The following LRRTM3 variants were observed in gnomAD, a reference collection of about 807,000 sequenced individuals.
LRRTM3 encodes leucine-rich repeat transmembrane neuronal protein 3.
A neutral mutation model predicts 44.7 loss-of-function variants in LRRTM3; 24 were observed. The observed-to-expected ratio is 0.54, with a 90% CI of 0.39 to 0.76. The LOEUF is 0.76. Among genes scored for constraint, LRRTM3 ranks in the 30% least tolerant of loss-of-function variants. LRRTM3 has a pLI of 0.00. For missense variants in LRRTM3, 587 were observed against 702.2 expected (o/e 0.84, Z 1.85); for synonymous variants, 277 against 278.7 (o/e 0.99, Z 0.06).
In LRRTM3 at chr10:67,101,300, C is replaced by G. The variant is rs552486865; in HGVS notation, c.*3504C>G. Among the ~76,000 whole-genome samples the G allele has an allele frequency of 4.0e-5, 6 of 151,716 alleles. No homozygotes were observed. The South Asian group carries it at 8.3e-4, about 21-fold the overall frequency. ...GAGATCCATAGTACAGGGTTGAACACATGTTCAACACTTTGTCAACTGAAC... is the reference window on the plus strand; with the variant it reads ...GAGATCCATAGTACAGGGTTGAACAGATGTTCAACACTTTGTCAACTGAAC... On this transcript the variant is annotated 3_prime_UTR_variant, in exon 3 of 3. Coordinates refer to ENST00000361320, the MANE Select transcript of LRRTM3 (RefSeq NM_178011.5).
At position 67,097,622 on chromosome 10, in the gene LRRTM3, A is replaced by T. The variant is rs758018071; in HGVS notation, c.1572A>T (p.Ala524=). 1.9e-6 allele frequency: 3 copies of T among 1,612,552 alleles called. No homozygotes were observed. Among genetic ancestry groups the T allele is most frequent in the Non-Finnish European group, 2.5e-6 (3 of 1,178,916 alleles). The change falls in exon 3 of 3, where the codon GCA becomes GCT. Residue 524 remains alanine (A), a synonymous_variant. Coordinates refer to ENST00000361320, the MANE Select transcript of LRRTM3 (RefSeq NM_178011.5). ...CAATGAATGTGTCAACCTTTCTGGC[A>T]TACGACCAGCCCACAATAAGTTACT... ...PLSMNVSTFL[A]YDQPTISYCG...
At chr10:67,024,881 A>G (rs915481608) in intron 2 of LRRTM3, among the ~76,000 whole-genome samples, 5 of 152,086 alleles carry the variant, frequency 3.3e-5, no homozygotes, top group Non-Finnish European at 5.9e-5. Context: ...TGTAAATCCT[A>G]GCACTTTAGG....
Position 66,928,145 on chromosome 10 carries a change from C to T in LRRTM3, c.1229C>T (p.Ala410Val), listed in dbSNP as rs772526300. 4.3e-6 allele frequency: 7 copies of T among 1,614,010 alleles called. No homozygotes were observed. In the East Asian group the frequency reaches 1.6e-4, roughly 36 times the overall value. ...ACAGAGCCCGGCCCAGAGACCGATG[C>T]TGACGCCGAGCACATCTCTTTCCAT... ...GATEPGPETD[A>V]DAEHISFHKI... The change falls in exon 2 of 3, where the codon GCT becomes GTT. Residue 410 changes from alanine (A) to valine (V), a missense_variant. Coordinates refer to ENST00000361320, the MANE Select transcript of LRRTM3 (RefSeq NM_178011.5).
intron 2 of LRRTM3, among the ~76,000 whole-genome samples, chr10:66,964,805 G>T (rs1849312350): frequency 6.6e-6 from 1 of 152,146 alleles, no homozygotes; most frequent in South Asian, 2.1e-4. Context: ...GAGGCAGACT[G>T]CAAACCCATC....
chr10:67,041,666 T>C (rs1416850820), intron 2 of LRRTM3, among the ~76,000 whole-genome samples: 1 of 152,138 alleles, frequency 6.6e-6, no homozygotes, highest in Non-Finnish European at 1.5e-5. Context: ...AAAATTGGCA[T>C]GTGTCTATTA....
At chr10:67,027,292 T>C (rs1207982891) in intron 2 of LRRTM3, among the ~76,000 whole-genome samples, 3 of 152,176 alleles carry the variant, frequency 2.0e-5, no homozygotes, top group Non-Finnish European at 4.4e-5. Flanking sequence ...ATTCCCCTCG[T>C]GGAACTCACT....
At chr10:66,943,908 A>C in intron 2 of LRRTM3, among the ~76,000 whole-genome samples, 1 of 152,230 alleles carries the variant, frequency 6.6e-6, no homozygotes, top group East Asian at 1.9e-4. Context: ...ATTGCTAAAA[A>C]GTGCTCATGA....
rs542260375 is a variant in LRRTM3, at chr10:66,967,633, G to T, written c.1536+39181G>T. On this transcript the variant is annotated intron_variant, in intron 2 of 2. Transcript: ENST00000361320. ...ACAGTCCATTAAAATAATTTTCCCA[G>T]ATCAAATAAAAACTGACACATTTTC... Among the ~76,000 whole-genome samples, 200 of 151,884 alleles carry T rather than the reference G, an allele frequency of 1.3e-3. 2 individuals carry two copies. Among genetic ancestry groups the T allele is most frequent in the African/African-American group, 4.4e-3 (181 of 41,436 alleles).
chr10:66,943,695 A>G (rs990206697), intron 2 of LRRTM3, among the ~76,000 whole-genome samples: 13 of 152,170 alleles, frequency 8.5e-5, no homozygotes, highest in Non-Finnish European at 1.5e-5. Flanking sequence ...AGCAGGGGAA[A>G]ACAAATACAG....
At position 67,005,686 on chromosome 10, in the gene LRRTM3, T is replaced by TTTTTTTTTTTTTTTTTG. The variant is rs1229946861; in HGVS notation, c.1536+77250_1536+77251insGTTTTTTTTTTTTTTTT. On this transcript the variant is annotated intron_variant, in intron 2 of 2. Coordinates refer to ENST00000361320, the MANE Select transcript of LRRTM3 (RefSeq NM_178011.5). Reference sequence around the variant, plus strand: ...CTTTTGTTTATTTTACTCCATCTTTTTTTTTTTTTTTTTTTTTGAGACGGA... The same window carrying TTTTTTTTTTTTTTTTTG: ...CTTTTGTTTATTTTACTCCATCTTTTTTTTTTTTTTTTTTTTGTTTTTTTTTTTTTTTTTGAGACGGA... 7.9e-5 allele frequency among the ~76,000 whole-genome samples: 8 copies of TTTTTTTTTTTTTTTTTG among 101,152 alleles called. 1 individual carries two copies. The highest frequency in any genetic ancestry group is 2.5e-4 in the African/African-American group (8 of 31,950). 66.4% of individuals were successfully genotyped at this position (101,152 alleles called of 152,430 possible).
chr10:66,965,509 T>C (rs1255205539), intron 2 of LRRTM3, among the ~76,000 whole-genome samples: 2 of 145,322 alleles, frequency 1.4e-5, no homozygotes, highest in East Asian at 4.0e-4. Context: ...CACTCCAGCC[T>C]GGCGACAGAG....
At chr10:67,046,576 T>C (rs1854757119) in intron 2 of LRRTM3, among the ~76,000 whole-genome samples, 1 of 152,184 alleles carries the variant, frequency 6.6e-6, no homozygotes, top group South Asian at 2.1e-4. Flanking sequence ...GAATCAATTA[T>C]TGACATTTTA....
intron 2 of LRRTM3, among the ~76,000 whole-genome samples, chr10:67,022,478 C>T (rs964490600): frequency 6.6e-6 from 1 of 151,870 alleles, no homozygotes; most frequent in Admixed American, 6.6e-5. Context: ...TTTTCACAGA[C>T]TAATAAAAAT....
At chr10:67,048,669 T>C (rs894447764) in intron 2 of LRRTM3, among the ~76,000 whole-genome samples, 1 of 152,098 alleles carries the variant, frequency 6.6e-6, no homozygotes, top group South Asian at 2.1e-4. Flanking sequence ...TATGACGCAC[T>C]ACATAGCTCT....
chr10:67,092,914 T>C (rs1392569403), intron 2 of LRRTM3, among the ~76,000 whole-genome samples: 24 of 152,024 alleles, frequency 1.6e-4, no homozygotes. Context: ...CAGCTACTAC[T>C]ACTCATTATT....
Position 67,098,069 on chromosome 10 carries a change from C to A in LRRTM3, c.*273C>A. 1 of 426,196 alleles carries A rather than the reference C, an allele frequency of 2.3e-6. No homozygotes were observed. Among genetic ancestry groups the A allele is most frequent in the Non-Finnish European group, 4.3e-6 (1 of 232,728 alleles). The allele number at this position is 426,196 out of a possible 1,614,324, so 26.4% of individuals were successfully genotyped here. A position where few individuals can be genotyped will look rare whatever the true frequency, so the allele number is the denominator to read the frequency against. ...GAATCTTTTTTTTTCAAAACTCATC[C>A]TACCTACCTGTAAAAACTGTACAAA... On this transcript the variant is annotated 3_prime_UTR_variant, in exon 3 of 3. Coordinates refer to ENST00000361320, the MANE Select transcript of LRRTM3 (RefSeq NM_178011.5).
At chr10:67,058,139 C>T (rs1426995478) in intron 2 of LRRTM3, among the ~76,000 whole-genome samples, 1 of 152,090 alleles carries the variant, frequency 6.6e-6, no homozygotes, top group Non-Finnish European at 1.5e-5. Context: ...TTTAATACCT[C>T]GAATTACAGT....
intron 2 of LRRTM3, among the ~76,000 whole-genome samples, chr10:67,062,271 T>C (rs1323465174): frequency 2.0e-5 from 3 of 152,194 alleles, no homozygotes; most frequent in Non-Finnish European, 4.4e-5. Flanking sequence ...TATTCTTTAT[T>C]GTAACTTATA....
At chr10:67,007,435 A>G (rs1049232333) in intron 2 of LRRTM3, among the ~76,000 whole-genome samples, 1 of 151,720 alleles carries the variant, frequency 6.6e-6, no homozygotes, top group Admixed American at 6.6e-5. Context: ...CCTTAAATGT[A>G]TACTTATCAT....
Sources: allele counts gnomAD v4.1 joint callset (sites outside exome capture counted in the v4.1 genomes callset), GRCh38; gene constraint gnomAD v4.1.1; transcripts MANE v1.5; gene names NCBI Gene and HGNC (gene_info 2026-07-23, HGNC 2026-07-21).